SHISAL2B: variants seen among roughly 807,000 people sequenced by gnomAD.
SHISAL2B encodes shisa like 2B.
A neutral mutation model predicts 16.5 loss-of-function variants in SHISAL2B; 12 were observed. The ratio of observed to expected loss-of-function variants is 0.73; its 90% CI spans 0.47 to 1.18. The LOEUF is 1.18. Among genes scored for constraint, SHISAL2B ranks in the 50% most tolerant of loss-of-function variants. The pLI is 0.00. For synonymous variants in SHISAL2B, 72 were observed against 75.0 expected (o/e 0.96, Z 0.21); for missense variants, 183 against 193.6 (o/e 0.95, Z 0.33).
intron 2 of SHISAL2B, among the ~76,000 whole-genome samples, chr5:64,716,452 G>C (rs1169667092): frequency 6.6e-6 from 1 of 152,156 alleles, no homozygotes; most frequent in Non-Finnish European, 1.5e-5. Context: ...AAATTTTAGT[G>C]AGAGGAGATA....
At chr5:64,696,354 CA>C (rs1741734635) in intron 2 of SHISAL2B, among the ~76,000 whole-genome samples, 1 of 152,084 alleles carries the variant, frequency 6.6e-6, no homozygotes, top group Non-Finnish European at 1.5e-5. Context: ...TGTGTTTGAA[CA>C]ATATGAAATC....
At chr5:64,699,816 G>T (rs1354536834) in intron 2 of SHISAL2B, among the ~76,000 whole-genome samples, 1 of 152,112 alleles carries the variant, frequency 6.6e-6, no homozygotes, top group East Asian at 1.9e-4. Context: ...ATTTTGCCAA[G>T]ATTTTCCATA....
In SHISAL2B at chr5:64,690,507, C is replaced by T. The variant is rs1233477313; in HGVS notation, c.-117C>T. On this transcript the variant is annotated 5_prime_UTR_variant, in exon 1 of 3. Transcript: ENST00000389074. ...AGGCTGAGCGCCCAGGCAGCCAGAG[C>T]CCAGATCGGAAGAGCCGAGTCCGGG... The T allele has an allele frequency of 3.8e-6, 3 of 784,046 alleles. No homozygotes were observed. Among genetic ancestry groups the T allele is most frequent in the East Asian group, 3.2e-5 (1 of 30,810 alleles). 48.6% of individuals were successfully genotyped at this position (784,046 alleles called of 1,614,324 possible).
At chr5:64,695,264 C>A (rs200493087) in intron 1 of SHISAL2B, among the ~76,000 whole-genome samples, 400 of 130,366 alleles carry the variant, frequency 3.1e-3, no homozygotes, top group African/African-American at 3.7e-3. Context: ...GACACCATCT[C>A]AAAAAAAAAA....
intron 2 of SHISAL2B, 132 bp from the exon 3 acceptor site, chr5:64,717,757 T>C (rs891442162): frequency 5.9e-6 from 4 of 673,724 alleles, no homozygotes; most frequent in Non-Finnish European, 9.2e-6. Context: ...AACTCAATTC[T>C]CACTCATACA....
At chr5:64,702,437 T>C (rs1341206920) in intron 2 of SHISAL2B, among the ~76,000 whole-genome samples, 1 of 152,142 alleles carries the variant, frequency 6.6e-6, no homozygotes, top group African/African-American at 2.4e-5. Flanking sequence ...TGAACTCAGG[T>C]GATCAGCCTG....
intron 1 of SHISAL2B, chr5:64,691,136 C>G: frequency 3.3e-6 from 1 of 302,906 alleles, no homozygotes; most frequent in Non-Finnish European, 6.1e-6. Context: ...GCCGACTGCT[C>G]TCCCCTCGCC....
chr5:64,700,533 C>A (rs1561375129), intron 2 of SHISAL2B, among the ~76,000 whole-genome samples: 1 of 152,260 alleles, frequency 6.6e-6, no homozygotes, highest in East Asian at 1.9e-4. Context: ...ACCTCAGCCT[C>A]CCGAGTAGCT....
At chr5:64,698,204 C>T (rs561136739) in intron 2 of SHISAL2B, among the ~76,000 whole-genome samples, 10 of 152,196 alleles carry the variant, frequency 6.6e-5, no homozygotes, top group Non-Finnish European at 1.5e-4. Context: ...AAGTTCCAGG[C>T]TCTGCATTTT....
intron 1 of SHISAL2B, chr5:64,694,145 G>T (rs1017824064): frequency 4.2e-5 from 19 of 453,314 alleles, no homozygotes; most frequent in African/African-American, 3.6e-4. Context: ...GGCAAGCCAG[G>T]AAGATAATGA....
chr5:64,697,450 G>C (rs1209863948), intron 2 of SHISAL2B, among the ~76,000 whole-genome samples: 1 of 152,126 alleles, frequency 6.6e-6, no homozygotes, highest in African/African-American at 2.4e-5. Context: ...TGTGGAACTA[G>C]GTCCTATTAT....
chr5:64,696,480 G>T (rs1302286695), intron 2 of SHISAL2B, among the ~76,000 whole-genome samples: 3 of 152,136 alleles, frequency 2.0e-5, no homozygotes, highest in African/African-American at 4.8e-5. Context: ...TTTTCTTCTT[G>T]CAGAGAGCCT....
At chr5:64,702,519 A>G (rs1305019760) in intron 2 of SHISAL2B, among the ~76,000 whole-genome samples, 1 of 152,064 alleles carries the variant, frequency 6.6e-6, no homozygotes, top group Non-Finnish European at 1.5e-5. Flanking sequence ...TTAATTTTTA[A>G]CTATATTTTC....
intron 2 of SHISAL2B, among the ~76,000 whole-genome samples, chr5:64,708,050 T>C (rs776297570): frequency 2.3e-4 from 35 of 152,294 alleles, no homozygotes; most frequent in Middle Eastern, 3.4e-3. Flanking sequence ...CACATTTTAC[T>C]AGCAATTTTT....
intron 2 of SHISAL2B, among the ~76,000 whole-genome samples, chr5:64,709,710 A>T (rs1034657856): frequency 7.4e-5 from 11 of 149,278 alleles, no homozygotes; most frequent in Non-Finnish European, 1.5e-4. Flanking sequence ...TTGTTTCCTG[A>T]CTTTTTAATG....
At position 64,695,521 on chromosome 5, in the gene SHISAL2B, T is replaced by C; in HGVS notation, c.206T>C (p.Ile69Thr). ...GTTTTCCTCAGCATTGGTGCCTTGATTGGACTAGGAATTGCTGCCCTTGTT... is the reference window on the plus strand; with the variant it reads ...GTTTTCCTCAGCATTGGTGCCTTGACTGGACTAGGAATTGCTGCCCTTGTT... ...YMWSLSIGAL[I>T]GLGIAALVLL... is the part of the protein sequence containing the mutation. The change falls in exon 2 of 3, where the codon ATT becomes ACT. Residue 69 changes from isoleucine to threonine, a missense_variant. Coordinates refer to ENST00000389074, the MANE Select transcript of SHISAL2B (RefSeq NM_001164442.2). The C allele has an allele frequency of 2.0e-6, 3 of 1,534,368 alleles. No individual in the cohort carries two copies. The highest frequency in any genetic ancestry group is 2.6e-6 in the Non-Finnish European group (3 of 1,145,706).
chr5:64,709,680 C>T (rs1741928619), intron 2 of SHISAL2B, among the ~76,000 whole-genome samples: 1 of 149,226 alleles, frequency 6.7e-6, no homozygotes, highest in African/African-American at 2.5e-5. Context: ...CCTATTTCTC[C>T]ACATCCTCTC....
chr5:64,703,363 TAGAA>T (rs1264243367), intron 2 of SHISAL2B, among the ~76,000 whole-genome samples: 1 of 152,170 alleles, frequency 6.6e-6, no homozygotes, highest in Non-Finnish European at 1.5e-5. Flanking sequence ...TCCCTTTAAA[TAGAA>T]AGACGTTTTT....
At chr5:64,699,241 G>A (rs1305375736) in intron 2 of SHISAL2B, among the ~76,000 whole-genome samples, 3 of 152,194 alleles carry the variant, frequency 2.0e-5, no homozygotes, top group Non-Finnish European at 2.9e-5. Flanking sequence ...CGTGATCAGT[G>A]ACTTCCTGCT....
Sources: gnomAD v4.1 joint callset for allele counts (sites outside exome capture counted in the v4.1 genomes callset) on GRCh38, gnomAD v4.1.1 for gene constraint, MANE v1.5 for transcripts, NCBI Gene and HGNC (gene_info 2026-07-23, HGNC 2026-07-21) for gene names.